The following TOR1AIP1 variants were observed in gnomAD, a reference collection of about 807,000 sequenced individuals.
The protein encoded by TOR1AIP1 is torsin 1A interacting protein 1.
In TOR1AIP1, 54 loss-of-function variants were observed where a neutral mutation model predicts 63.3. That is an observed-to-expected ratio of 0.85 (90% CI 0.69 to 1.07). TOR1AIP1 has a LOEUF of 1.07. TOR1AIP1 is among the 50% of genes least tolerant of loss of function. The pLI is 0.00. For synonymous variants in TOR1AIP1, 294 were observed against 273.5 expected, an observed-to-expected ratio of 1.07 and a Z score of -0.74; for missense variants, 736 against 715.0, an observed-to-expected ratio of 1.03 and a Z score of -0.33.
In TOR1AIP1 at chr1:179,901,369, G is replaced by T; in HGVS notation, c.720G>T (p.Arg240Ser). 6.2e-7 allele frequency: 1 copy of T among 1,603,682 alleles called. No homozygotes were observed. Among genetic ancestry groups the T allele is most frequent in the Non-Finnish European group, 8.5e-7 (1 of 1,173,782 alleles). Residue 240 changes from arginine (R) to serine (S), a missense_variant, in exon 5 of 10, where the codon AGG becomes AGT. Around this residue, in one of 2 missense-constraint regions of TOR1AIP1, gnomAD observed 464 missense variants for 371.0 expected, o/e 1.25. Transcript: ENST00000606911. Reference sequence around the variant, plus strand: ...TCACTACTGTTAAGGCCAGATCCAGGGATTCTGATGAATCTGGAGGTAATA... The same window carrying T: ...TCACTACTGTTAAGGCCAGATCCAGTGATTCTGATGAATCTGGAGGTAATA... ...SSVTTVKARS[R>S]DSDESGDKTT... is the part of the protein sequence containing the mutation.
chr1:179,883,786 A>G (rs1467992702), intron 1 of TOR1AIP1: 2 of 423,666 alleles, frequency 4.7e-6, no homozygotes, highest in Non-Finnish European at 4.8e-6. Context: ...TAGGTAAGTC[A>G]TAGGTGAATC....
intron 6 of TOR1AIP1, among the ~76,000 whole-genome samples, chr1:179,906,742 C>T (rs1034674605): frequency 3.7e-5 from 5 of 134,872 alleles, no homozygotes; most frequent in East Asian, 2.1e-4. Context: ...TCCCCCCCCC[C>T]CTTTTTTTTT....
intron 6 of TOR1AIP1, among the ~76,000 whole-genome samples, chr1:179,906,468 T>C (rs960438702): frequency 2.6e-5 from 4 of 152,200 alleles, no homozygotes; most frequent in African/African-American, 9.7e-5. Context: ...CAGGGCAGAT[T>C]TGAAAATTTA....
intron 1 of TOR1AIP1, 145 bp from the exon 2 acceptor site, chr1:179,884,547 G>A: frequency 1.7e-6 from 1 of 597,010 alleles, no homozygotes; most frequent in East Asian, 3.1e-5. Context: ...TATTTCCTAA[G>A]TTTTGGTAAA....
chr1:179,907,934 T>TCA, intron 7 of TOR1AIP1, 70 bp downstream of exon 7: 1 of 1,096,306 alleles, frequency 9.1e-7, no homozygotes, highest in Non-Finnish European at 1.3e-6. Context: ...TTTTTTTTTT[T>TCA]GAGACGATGT....
chr1:179,907,735 C>A, intron 6 of TOR1AIP1, 88 bp from the exon 7 acceptor site: 1 of 903,670 alleles, frequency 1.1e-6, no homozygotes, highest in Non-Finnish European at 1.6e-6. Context: ...TTTTAGTATC[C>A]ACAGTAAACA....
At chr1:179,902,577 G>A (rs505837) in intron 5 of TOR1AIP1, among the ~76,000 whole-genome samples, 92,003 of 151,800 alleles carry the variant, frequency 0.61, 28,310 homozygotes, top group East Asian at 0.76. Flanking sequence ...TTGGGCATTT[G>A]GTATTCTGTG....
At chr1:179,914,654 C>T (rs376937503) in intron 9 of TOR1AIP1, among the ~76,000 whole-genome samples, 4 of 152,094 alleles carry the variant, frequency 2.6e-5, no homozygotes, top group Admixed American at 6.5e-5. Context: ...ATTAGCTGGG[C>T]GTGGTGGCAC....
In TOR1AIP1 at chr1:179,914,143, C is replaced by T. The variant is rs1648918665; in HGVS notation, c.964+89C>T. 3.6e-6 allele frequency: 4 copies of T among 1,099,074 alleles called. No individual in the cohort carries two copies. The South Asian group carries it at 5.5e-5, about 15-fold the overall frequency. The allele number at this position is 1,099,074 out of a possible 1,614,324, so 68.1% of individuals were successfully genotyped here. On this transcript the variant is annotated intron_variant, in intron 9 of 9. Coordinates refer to ENST00000606911, the MANE Select transcript of TOR1AIP1 (RefSeq NM_015602.4). ...AAAATGTTTTTTGACAGCAGTATGA[C>T]TCGATGCTATTTGAAGAATCACATT...
intron 2 of TOR1AIP1, among the ~76,000 whole-genome samples, chr1:179,885,183 G>A (rs113705577): frequency 9.8e-5 from 15 of 152,288 alleles, no homozygotes; most frequent in African/African-American, 3.6e-4. Context: ...GTAAAATCTT[G>A]ACACAGTGTG....
intron 4 of TOR1AIP1, among the ~76,000 whole-genome samples, chr1:179,900,846 C>T (rs533162542): frequency 6.6e-6 from 1 of 152,186 alleles, no homozygotes; most frequent in Admixed American, 6.6e-5. Context: ...TGTTGAAGCT[C>T]AGCATAATCT....
Position 179,918,190 on chromosome 1 carries a change from T to C in TOR1AIP1, c.1703T>C (p.Val568Ala). The C allele has an allele frequency of 6.2e-7, 1 of 1,610,080 alleles. No individual in the cohort carries two copies. Residue 568 changes from valine to alanine, a missense_variant, in exon 10 of 10, where the codon GTT (valine) becomes GCT (alanine). Val to Ala is a moderately conservative substitution (Grantham distance 64). This residue lies in a region of TOR1AIP1 where 272 missense variants were observed against 344.1 expected (regional missense o/e 0.79). Transcript: ENST00000606911. ...NGLWSRISHLVLPVQPENALK... is the reference protein window; with the variant it reads ...NGLWSRISHLALPVQPENALK... ...CTCTGGAGCCGTATTTCTCACTTAG[T>C]TCTGCCTGTGCAACCTGAAAATGCC...
intron 8 of TOR1AIP1, among the ~76,000 whole-genome samples, chr1:179,910,643 G>A (rs963892776): frequency 6.6e-6 from 1 of 152,116 alleles, no homozygotes; most frequent in African/African-American, 2.4e-5. Context: ...CAGCTTATTA[G>A]AATTATGTTT....
intron 3 of TOR1AIP1, among the ~76,000 whole-genome samples, chr1:179,892,859 TATGTC>T (rs1648142055): frequency 6.6e-6 from 1 of 152,224 alleles, no homozygotes; most frequent in Non-Finnish European, 1.5e-5. Context: ...TGTCTGAAAT[TATGTC>T]ATATTATTTA....
intron 5 of TOR1AIP1, among the ~76,000 whole-genome samples, chr1:179,902,182 C>T (rs1002378892): frequency 1.2e-4 from 18 of 151,076 alleles, no homozygotes; most frequent in African/African-American, 4.1e-4. Context: ...CGCACCACCA[C>T]ATCTGGCTAA....
At chr1:179,901,422 A>C (rs1231726227) in intron 5 of TOR1AIP1, 34 bp downstream of exon 5, 1 of 1,336,160 alleles carries the variant, frequency 7.5e-7, no homozygotes. Context: ...GACTCTTCTC[A>C]TAGAACTATC....
At chr1:179,913,699 A>G in intron 8 of TOR1AIP1, 1 of 701,824 alleles carries the variant, frequency 1.4e-6, no homozygotes, top group South Asian at 1.5e-5. Flanking sequence ...AAGTTTCACC[A>G]ATCCCATTAG....
chr1:179,900,201 T>C, intron 4 of TOR1AIP1, 34 bp downstream of exon 4: 1 of 1,413,842 alleles, frequency 7.1e-7, no homozygotes, highest in South Asian at 1.2e-5. Context: ...TAATATATAC[T>C]TTAAGTCTTT....
Position 179,918,298 on chromosome 1 carries a change from C to A in TOR1AIP1, c.*59C>A, listed in dbSNP as rs1649089719. 1 of 1,478,190 alleles carries A rather than the reference C, an allele frequency of 6.8e-7. No individual in the cohort carries two copies. Among genetic ancestry groups the A allele is most frequent in the Non-Finnish European group, 9.0e-7 (1 of 1,110,624 alleles). 91.6% of individuals were successfully genotyped at this position (1,478,190 alleles called of 1,614,324 possible). A position where few individuals can be genotyped will look rare whatever the true frequency, so the allele number is the denominator to read the frequency against. Reference sequence around the variant, plus strand: ...TCTGAGAATTGTTCACACTTTCTAACCAGAGACAGAATTCAGAGCTCTTTT... The same window carrying A: ...TCTGAGAATTGTTCACACTTTCTAAACAGAGACAGAATTCAGAGCTCTTTT... On this transcript the variant is annotated 3_prime_UTR_variant, in exon 10 of 10. Transcript: ENST00000606911.
Sources: gnomAD v4.1 joint callset for allele counts (sites outside exome capture counted in the v4.1 genomes callset) on GRCh38, gnomAD v4.1.1 for gene constraint, gnomAD v4.1.1 regional missense constraint, MANE v1.5 for transcripts, NCBI Gene and HGNC (gene_info 2026-07-23, HGNC 2026-07-21) for gene names.